ADGRB3: variants seen among roughly 807,000 people sequenced by gnomAD.
The protein encoded by ADGRB3 is brain-specific angiogenesis inhibitor 3.
ADGRB3 carries 37 observed loss-of-function variants against 193.4 expected under a neutral mutation model. The observed-to-expected ratio is 0.19, with a 90% confidence interval of 0.15 to 0.25. The LOEUF is 0.25. Ranked by LOEUF, ADGRB3 falls within the 10% of genes least tolerant of loss-of-function variation. The probability of loss-of-function intolerance (pLI) is 1.00; values close to 1 mark genes in which losing one functional copy is unlikely to be tolerated. For synonymous variants in ADGRB3, 690 were observed against 644.2 expected (o/e 1.07, Z -1.08); for missense variants, 1,637 against 1,852.9 (o/e 0.88, Z 2.14).
chr6:68,648,152 T>C (rs1768258795), intron 3 of ADGRB3, among the ~76,000 whole-genome samples: 1 of 152,152 alleles, frequency 6.6e-6, no homozygotes. Context: ...ATTTCTAGTG[T>C]GTATGGAAAA....
At chr6:68,763,355 G>C (rs1169409138) in intron 3 of ADGRB3, among the ~76,000 whole-genome samples, 17 of 152,166 alleles carry the variant, frequency 1.1e-4, no homozygotes, top group Admixed American at 1.1e-3. Context: ...CTCCCAAAGT[G>C]CTGGGGTTAC....
intron 8 of ADGRB3, among the ~76,000 whole-genome samples, chr6:68,968,215 T>TA (rs1768440545): frequency 6.6e-6 from 1 of 152,146 alleles, no homozygotes; most frequent in South Asian, 2.1e-4. Context: ...GCCGGCCCAG[T>TA]AAACATTTCA....
At chr6:68,804,651 G>C (rs6911395) in intron 3 of ADGRB3, among the ~76,000 whole-genome samples, 105,383 of 151,876 alleles carry the variant, frequency 0.69, 37,076 homozygotes, top group Middle Eastern at 0.87. Flanking sequence ...TGTGAACCTG[G>C]AAAATAATGA....
intron 3 of ADGRB3, among the ~76,000 whole-genome samples, chr6:68,828,679 A>G (rs746642387): frequency 6.6e-6 from 1 of 152,124 alleles, no homozygotes; most frequent in Non-Finnish European, 1.5e-5. Flanking sequence ...TATTTTCTTG[A>G]CACTTAGAAG....
At chr6:68,795,722 T>C (rs1448754885) in intron 3 of ADGRB3, among the ~76,000 whole-genome samples, 1 of 152,114 alleles carries the variant, frequency 6.6e-6, no homozygotes, top group Non-Finnish European at 1.5e-5. Flanking sequence ...CGAATGTTCA[T>C]GAATGGGATT....
At chr6:68,941,359 T>A (rs1582333228) in intron 5 of ADGRB3, among the ~76,000 whole-genome samples, 1 of 152,182 alleles carries the variant, frequency 6.6e-6, no homozygotes, top group Non-Finnish European at 1.5e-5. Context: ...AAATCTTTTT[T>A]AAAATGATGT....
intron 3 of ADGRB3, among the ~76,000 whole-genome samples, chr6:68,846,404 T>G (rs1582249603): frequency 6.6e-6 from 1 of 152,344 alleles, no homozygotes; most frequent in East Asian, 1.9e-4. Flanking sequence ...GGGGAAAATG[T>G]TCAGGCCATG....
chr6:68,944,321 T>G (rs1468695461), intron 6 of ADGRB3, among the ~76,000 whole-genome samples: 1 of 152,216 alleles, frequency 6.6e-6, no homozygotes, highest in East Asian at 1.9e-4. Context: ...GATTAATTAT[T>G]GCCTTCACAC....
chr6:69,118,533 A>T (rs1773595960), intron 17 of ADGRB3, among the ~76,000 whole-genome samples: 1 of 152,096 alleles, frequency 6.6e-6, no homozygotes, highest in Non-Finnish European at 1.5e-5. Context: ...TCAGGCTTCA[A>T]GTAAGTGTAT....
At chr6:68,669,066 A>T (rs908152704) in intron 3 of ADGRB3, among the ~76,000 whole-genome samples, 1 of 151,974 alleles carries the variant, frequency 6.6e-6, no homozygotes, top group Non-Finnish European at 1.5e-5. Context: ...ATTTATTTTT[A>T]TAATTTTTAA....
intron 17 of ADGRB3, among the ~76,000 whole-genome samples, chr6:69,109,584 A>G (rs1022914814): frequency 3.3e-5 from 5 of 152,166 alleles, no homozygotes; most frequent in African/African-American, 1.2e-4. Flanking sequence ...AAATGAGAAA[A>G]TTAGCTTTAT....
At chr6:69,345,807 G>A (rs1269638186) in intron 26 of ADGRB3, among the ~76,000 whole-genome samples, 1 of 152,174 alleles carries the variant, frequency 6.6e-6, no homozygotes, top group Non-Finnish European at 1.5e-5. Flanking sequence ...AAGAGAGGAA[G>A]TCAAATTGTC....
At chr6:69,220,574 T>C (rs1765871126) in intron 17 of ADGRB3, among the ~76,000 whole-genome samples, 1 of 152,112 alleles carries the variant, frequency 6.6e-6, no homozygotes. Flanking sequence ...TCTATTGTTA[T>C]TTAAAATCTC....
chr6:68,916,643 G>A (rs1257324449), intron 3 of ADGRB3, among the ~76,000 whole-genome samples: 3 of 152,106 alleles, frequency 2.0e-5, no homozygotes, highest in Non-Finnish European at 4.4e-5. Flanking sequence ...TTTGATAGTC[G>A]GGAAGGGTCT....
At chr6:68,785,267 T>G (rs1041988916) in intron 3 of ADGRB3, among the ~76,000 whole-genome samples, 4 of 151,728 alleles carry the variant, frequency 2.6e-5, no homozygotes, top group African/African-American at 9.7e-5. Flanking sequence ...TAACTCGTCA[T>G]TTAGCATTAG....
intron 15 of ADGRB3, among the ~76,000 whole-genome samples, chr6:69,060,075 G>A (rs1365384124): frequency 6.6e-6 from 1 of 152,024 alleles, no homozygotes; most frequent in Non-Finnish European, 1.5e-5. Flanking sequence ...TGGGGCACAA[G>A]GTGTCAGGGA....
At chr6:69,378,064 C>T (rs186823054) in intron 30 of ADGRB3, among the ~76,000 whole-genome samples, 1 of 152,166 alleles carries the variant, frequency 6.6e-6, no homozygotes, top group African/African-American at 2.4e-5. Flanking sequence ...ATTCAGTATA[C>T]ATTTATTGAG....
intron 6 of ADGRB3, among the ~76,000 whole-genome samples, chr6:68,952,459 T>C (rs1767955195): frequency 1.3e-5 from 2 of 152,106 alleles, no homozygotes; most frequent in South Asian, 4.1e-4. Context: ...CAATTATCTA[T>C]TTTCTCAATG....
intron 3 of ADGRB3, among the ~76,000 whole-genome samples, chr6:68,707,464 C>A (rs1458804910): frequency 6.6e-6 from 1 of 151,938 alleles, no homozygotes; most frequent in African/African-American, 2.4e-5. Flanking sequence ...CCAATATATG[C>A]CATTTATTAG....
Sources: allele counts gnomAD v4.1 joint callset (sites outside exome capture counted in the v4.1 genomes callset), GRCh38; gene constraint gnomAD v4.1.1; transcripts MANE v1.5; gene names NCBI Gene and HGNC (gene_info 2026-07-23, HGNC 2026-07-21).